FGD5: variants seen among roughly 807,000 people sequenced by gnomAD.
FGD5 encodes FYVE, RhoGEF and PH domain-containing protein 5.
In FGD5, 28 loss-of-function variants were observed where a neutral mutation model predicts 133.4. The observed-to-expected ratio is 0.21, with a 90% CI of 0.16 to 0.29. FGD5 has a LOEUF of 0.29. Ranked by LOEUF, FGD5 falls within the 10% of genes least tolerant of loss-of-function variation. The pLI is 1.00. For synonymous variants in FGD5, 810 were observed against 776.5 expected (o/e 1.04, Z -0.72); for missense variants, 1,858 against 1,895.2 (o/e 0.98, Z 0.36).
chr3:14,922,959 G>A lies in FGD5; in HGVS notation c.3808-87G>A, dbSNP rs1428537944. 2 of 1,577,706 alleles carry A rather than the reference G, an allele frequency of 1.3e-6. No individual in the cohort carries two copies. Among genetic ancestry groups the A allele is most frequent in the Admixed American group, 1.7e-5 (1 of 59,410 alleles). ...GGGCTCCCTAGGGGCAGTTGTGGGTGGATTAGCAGAGGGAGCGGAGGGGAG... is the reference window on the plus strand; with the variant it reads ...GGGCTCCCTAGGGGCAGTTGTGGGTAGATTAGCAGAGGGAGCGGAGGGGAG... On this transcript the variant is annotated intron_variant, in intron 15 of 19. Coordinates refer to ENST00000285046, the MANE Select transcript of FGD5 (RefSeq NM_152536.4). The surrounding 1 kb of genome is among the most constrained non-coding windows in gnomAD (Gnocchi z 4.1).
Position 14,932,517 on chromosome 3 carries a change from C to T in FGD5, c.4198-60C>T, listed in dbSNP as rs540404439. 1.4e-5 allele frequency: 21 copies of T among 1,553,206 alleles called. No individual in the cohort carries two copies. The South Asian group carries it at 1.8e-4, about 13-fold the overall frequency. On this transcript the variant is annotated intron_variant, in intron 18 of 19. Coordinates refer to ENST00000285046, the MANE Select transcript of FGD5 (RefSeq NM_152536.4). Reference sequence around the variant, plus strand: ...TTCACGCATCTCAGATTGGAGATAACAGTAAATGACTATGCAGAGTGTGGT... The same window carrying T: ...TTCACGCATCTCAGATTGGAGATAATAGTAAATGACTATGCAGAGTGTGGT...
At position 14,844,243 on chromosome 3, in the gene FGD5, T is replaced by TATATAC. The variant is rs1277790250; in HGVS notation, c.2526-19880_2526-19879insCATATA. ...ATATATATATATATATATATATATA[T>TATATAC]ATATATATATATATATATATATATA... On this transcript the variant is annotated intron_variant, in intron 1 of 19. Transcript: ENST00000285046. Among the ~76,000 whole-genome samples, 30 of 47,222 alleles carry TATATAC rather than the reference T, an allele frequency of 6.4e-4. 1 individual carries two copies. The highest frequency in any genetic ancestry group is 3.1e-3 in the African/African-American group (29 of 9,368). The allele number at this position is 47,222 out of a possible 152,430, so 31.0% of individuals were successfully genotyped here. A position where few individuals can be genotyped will look rare whatever the true frequency, so the allele number is the denominator to read the frequency against.
chr3:14,910,939 C>T lies in FGD5; in HGVS notation c.3405+10C>T, dbSNP rs374666844. ...CCGGCACCTATTTCTGGTAAGTGCC[C>T]GGTCCCCAAGCCCAGCTCAGGAACT... On this transcript the variant is annotated intron_variant, in intron 11 of 19. Coordinates refer to ENST00000285046, the MANE Select transcript of FGD5 (RefSeq NM_152536.4). 39 of 1,608,774 alleles carry T rather than the reference C, an allele frequency of 2.4e-5. No homozygotes were observed. In the South Asian group the frequency reaches 2.4e-4, roughly 10 times the overall value.
intron 1 of FGD5, among the ~76,000 whole-genome samples, chr3:14,843,061 A>G (rs1045575658): frequency 2.0e-5 from 3 of 152,238 alleles, no homozygotes; most frequent in Non-Finnish European, 4.4e-5. Context: ...TTAATTTTAA[A>G]ATCCCGAGAG....
intron 1 of FGD5, among the ~76,000 whole-genome samples, chr3:14,861,564 G>A (rs2037398187): frequency 6.6e-6 from 1 of 152,196 alleles, no homozygotes; most frequent in Admixed American, 6.5e-5. Context: ...GGCAGTGTAT[G>A]TCAGCTCAGA....
chr3:14,907,379 G>A (rs6782420), intron 9 of FGD5, among the ~76,000 whole-genome samples: 115,089 of 152,070 alleles, frequency 0.76, 43,850 homozygotes, highest in African/African-American at 0.83. Context: ...CGTAGGAGCA[G>A]TTGTCCAGAG....
chr3:14,908,501 C>T (rs774929155), intron 10 of FGD5, among the ~76,000 whole-genome samples: 1 of 151,632 alleles, frequency 6.6e-6, no homozygotes, highest in African/African-American at 2.4e-5. Flanking sequence ...TGATCCCAAA[C>T]GTTGAAATCC....
intron 9 of FGD5, among the ~76,000 whole-genome samples, 173 bp downstream of exon 9, chr3:14,901,234 G>A (rs2038233535): frequency 6.6e-6 from 1 of 152,178 alleles, no homozygotes; most frequent in African/African-American, 2.4e-5. Flanking sequence ...GTGACCTCAG[G>A]CGCTGTGTGC....
chr3:14,922,764 T>C lies in FGD5; in HGVS notation c.3807+216T>C, dbSNP rs1164944495. Among the ~76,000 whole-genome samples the C allele has an allele frequency of 6.6e-6, 1 of 152,046 alleles. No homozygotes were observed. The highest frequency in any genetic ancestry group is 1.9e-4 in the East Asian group (1 of 5,190). On this transcript the variant is annotated intron_variant, in intron 15 of 19. Transcript: ENST00000285046. The surrounding 1 kb of genome is among the most constrained non-coding windows in gnomAD (Gnocchi z 4.1). ...CCCAGGCCTCTTCCACACCACCACG[T>C]TTTCAACAGAAAACCGTAGCATACG...
At position 14,932,714 on chromosome 3, in the gene FGD5, T is replaced by C. The variant is rs2038920082; in HGVS notation, c.4335T>C (p.Asp1445=). 2 of 1,613,716 alleles carry C rather than the reference T, an allele frequency of 1.2e-6. No homozygotes were observed. Among genetic ancestry groups the C allele is most frequent in the Non-Finnish European group, 1.7e-6 (2 of 1,179,858 alleles). Residue 1445 remains aspartate (D), a synonymous_variant, in exon 19 of 20, where the codon GAT becomes GAC. Coordinates refer to ENST00000285046, the MANE Select transcript of FGD5 (RefSeq NM_152536.4). ...KTLFYSFKAE[D]TNSAQRWIEA... is the part of the protein sequence containing the mutation. ...TATTTTATAGCTTCAAAGCAGAAGATACCAATTCAGCTCAGAGGTACGAAA... is the reference window on the plus strand; with the variant it reads ...TATTTTATAGCTTCAAAGCAGAAGACACCAATTCAGCTCAGAGGTACGAAA...
chr3:14,896,689 T>A (rs2038145936), intron 4 of FGD5, among the ~76,000 whole-genome samples: 1 of 152,170 alleles, frequency 6.6e-6, no homozygotes, highest in Non-Finnish European at 1.5e-5. Context: ...CAGGCTGGTC[T>A]TGAACTCCTG....
chr3:14,907,525 G>T (rs1251365606), intron 9 of FGD5, 115 bp from the exon 10 acceptor site: 1 of 922,732 alleles, frequency 1.1e-6, no homozygotes, highest in Non-Finnish European at 1.6e-6. Context: ...TTTGGGGCAG[G>T]CCTTTCCGGG....
rs554519484 is a variant in FGD5 at position 14,867,166 on chromosome 3, C to G, written c.2658+2906C>G. On this transcript the variant is annotated intron_variant, in intron 2 of 19. Transcript: ENST00000285046. ...GAGGGTGAAAGTCCCCTCGAACTCTCATTCCTATTCCCCATTCCCTTAAAC... is the reference window on the plus strand; with the variant it reads ...GAGGGTGAAAGTCCCCTCGAACTCTGATTCCTATTCCCCATTCCCTTAAAC... Among the ~76,000 whole-genome samples, 23 of 152,350 alleles carry G rather than the reference C, an allele frequency of 1.5e-4. 1 individual carries two copies. In the South Asian group the frequency reaches 4.8e-3, roughly 32 times the overall value.
At chr3:14,889,480 G>A (rs187163192) in intron 4 of FGD5, among the ~76,000 whole-genome samples, 5 of 152,264 alleles carry the variant, frequency 3.3e-5, no homozygotes, top group East Asian at 1.9e-4. Context: ...GCATGAACAC[G>A]TGGATGGCTT....
intron 10 of FGD5, among the ~76,000 whole-genome samples, chr3:14,907,944 G>A (rs995024292): frequency 2.6e-5 from 4 of 152,168 alleles, no homozygotes; most frequent in African/African-American, 7.2e-5. Flanking sequence ...AAGACTCAGC[G>A]CCAGGTTTTT....
At position 14,856,450 on chromosome 3, in the gene FGD5, A is replaced by C. The variant is rs546200327; in HGVS notation, c.2526-7678A>C. On this transcript the variant is annotated intron_variant, in intron 1 of 19. Coordinates refer to ENST00000285046, the MANE Select transcript of FGD5 (RefSeq NM_152536.4). Reference sequence around the variant, plus strand: ...TGATGGGGATTATGTTGAATCTGTAAATTGCTTTGGGTAAGTATTGTCATT... The same window carrying C: ...TGATGGGGATTATGTTGAATCTGTACATTGCTTTGGGTAAGTATTGTCATT... Among the ~76,000 whole-genome samples, 7 of 152,212 alleles carry C rather than the reference A, an allele frequency of 4.6e-5. No individual in the cohort carries two copies. The East Asian group carries it at 1.3e-3, about 29-fold the overall frequency.
chr3:14,825,862 C>T (rs2036588976), intron 1 of FGD5, among the ~76,000 whole-genome samples: 1 of 152,182 alleles, frequency 6.6e-6, no homozygotes, highest in Non-Finnish European at 1.5e-5. Flanking sequence ...ATGTTGGTTA[C>T]ACACTAGAAG....
At chr3:14,932,832 C>G in intron 19 of FGD5, 101 bp downstream of exon 19, 1 of 1,348,738 alleles carries the variant, frequency 7.4e-7, no homozygotes. Context: ...TTCATCCTAT[C>G]CCATTAGGTC....
chr3:14,929,973 A>T (rs982231749), intron 18 of FGD5, among the ~76,000 whole-genome samples: 1 of 152,202 alleles, frequency 6.6e-6, no homozygotes, highest in Non-Finnish European at 1.5e-5. Context: ...TTCTGAAAGC[A>T]TTAATGTTTT....
Sources: allele counts gnomAD v4.1 joint callset (sites outside exome capture counted in the v4.1 genomes callset), GRCh38; gene constraint gnomAD v4.1.1; non-coding constraint Gnocchi (gnomAD v3.1); transcripts MANE v1.5; gene names NCBI Gene and HGNC (gene_info 2026-07-23, HGNC 2026-07-21).